Variants in TMEM178B observed in about 807,000 individuals in gnomAD.
TMEM178B encodes the protein transmembrane protein 178B.
TMEM178B carries 5 observed loss-of-function variants against 31.0 expected under a neutral mutation model. That is an observed-to-expected ratio of 0.16 (90% CI 0.08 to 0.34). The LOEUF is 0.34. Among genes scored for constraint, TMEM178B ranks in the 10% least tolerant of loss-of-function variants. The pLI is 1.00. For synonymous variants in TMEM178B, 164 were observed against 164.0 expected, an observed-to-expected ratio of 1.00 and a Z score of 0.00; for missense variants, 275 against 400.3, an observed-to-expected ratio of 0.69 and a Z score of 2.67.
intron 2 of TMEM178B, among the ~76,000 whole-genome samples, chr7:141,302,250 AGTCT>A (rs1389734056): frequency 2.6e-5 from 4 of 152,256 alleles, no homozygotes; most frequent in Non-Finnish European, 5.9e-5. Context: ...TCCATTATTC[AGTCT>A]TAAAAAGGAA....
At chr7:141,121,574 C>T (rs1795407956) in intron 1 of TMEM178B, among the ~76,000 whole-genome samples, 1 of 152,068 alleles carries the variant, frequency 6.6e-6, no homozygotes, top group Non-Finnish European at 1.5e-5. Context: ...CCTGTAGTAG[C>T]CTCTTTAAAA....
At chr7:141,392,702 C>G (rs541129795) in intron 2 of TMEM178B, among the ~76,000 whole-genome samples, 5 of 152,098 alleles carry the variant, frequency 3.3e-5, no homozygotes, top group South Asian at 4.2e-4. Flanking sequence ...ACATGGCAGG[C>G]CTTTGACTCT....
chr7:141,233,050 C>T (rs1390319810), intron 2 of TMEM178B, among the ~76,000 whole-genome samples: 2 of 152,118 alleles, frequency 1.3e-5, no homozygotes, highest in African/African-American at 2.4e-5. Context: ...TGCATTGATT[C>T]GAATGTGGTC....
chr7:141,079,634 A>G (rs143854695), intron 1 of TMEM178B, among the ~76,000 whole-genome samples: 47 of 152,246 alleles, frequency 3.1e-4, no homozygotes, highest in African/African-American at 1.1e-3. Flanking sequence ...TCATCAACTC[A>G]CAGAATTCTC....
chr7:141,134,631 A>G (rs1199875507), intron 1 of TMEM178B, among the ~76,000 whole-genome samples: 1 of 152,222 alleles, frequency 6.6e-6, no homozygotes, highest in East Asian at 1.9e-4. Flanking sequence ...AATATACAAA[A>G]CAACCAGAAA....
At chr7:141,418,151 G>A (rs779891780) in intron 2 of TMEM178B, among the ~76,000 whole-genome samples, 2 of 152,130 alleles carry the variant, frequency 1.3e-5, no homozygotes, top group Non-Finnish European at 2.9e-5. Context: ...ATATACTTAA[G>A]TCTTACATCC....
intron 1 of TMEM178B, among the ~76,000 whole-genome samples, chr7:141,211,712 A>G (rs1210245166): frequency 6.6e-6 from 1 of 152,218 alleles, no homozygotes; most frequent in Non-Finnish European, 1.5e-5. Flanking sequence ...GCAAACATAA[A>G]GGGTGGATTT....
Position 141,074,846 on chromosome 7 carries a change from T to C in TMEM178B, c.382+154T>C, listed in dbSNP as rs1390943569. Among the ~76,000 whole-genome samples the C allele has an allele frequency of 6.6e-6, 1 of 152,242 alleles. No homozygotes were observed. Among genetic ancestry groups the C allele is most frequent in the Non-Finnish European group, 1.5e-5 (1 of 68,040 alleles). On this transcript the variant is annotated intron_variant, in intron 1 of 3. Transcript: ENST00000565468. This position sits in a 1 kb window ranked among gnomAD's most constrained non-coding sequence, Gnocchi z 5.1. ...CCTGGCTGAGCCTCGGGGCCAGGAC[T>C]TGCCTCCCAATAGCTGTTAATGAAG...
chr7:141,429,984 C>T (rs1456095222), intron 2 of TMEM178B: 38 of 152,230 alleles, frequency 2.5e-4, no homozygotes, highest in Admixed American at 2.4e-3. Flanking sequence ...AGTCCTGCCC[C>T]ATGTCTTTTC....
At chr7:141,311,020 C>T (rs1798899194) in intron 2 of TMEM178B, among the ~76,000 whole-genome samples, 1 of 152,140 alleles carries the variant, frequency 6.6e-6, no homozygotes, top group South Asian at 2.1e-4. Context: ...AAGCTGAAAG[C>T]CATTATCCTC....
chr7:141,417,617 G>C (rs540406108), intron 2 of TMEM178B, among the ~76,000 whole-genome samples: 37 of 152,250 alleles, frequency 2.4e-4, no homozygotes, highest in Non-Finnish European at 4.4e-4. Flanking sequence ...GAAGAGGAAA[G>C]GTGCCTCTCA....
At chr7:141,090,076 C>A (rs1393103041) in intron 1 of TMEM178B, among the ~76,000 whole-genome samples, 1 of 152,166 alleles carries the variant, frequency 6.6e-6, no homozygotes, top group East Asian at 1.9e-4. Context: ...TTGCCTTTCC[C>A]AGACTCTTCC....
intron 1 of TMEM178B, among the ~76,000 whole-genome samples, chr7:141,197,527 C>T (rs969243850): frequency 5.3e-5 from 8 of 152,196 alleles, no homozygotes; most frequent in African/African-American, 1.9e-4. Flanking sequence ...TTAACTTAAA[C>T]ACGGAAATAA....
chr7:141,097,171 C>A (rs1794973776), intron 1 of TMEM178B, among the ~76,000 whole-genome samples: 1 of 151,344 alleles, frequency 6.6e-6, no homozygotes, highest in African/African-American at 2.4e-5. Context: ...ATTAGTTATA[C>A]ATGTATATAA....
chr7:141,352,963 T>C (rs937035021), intron 2 of TMEM178B, among the ~76,000 whole-genome samples: 12 of 152,224 alleles, frequency 7.9e-5, no homozygotes, highest in South Asian at 4.1e-4. Flanking sequence ...CAACTTCTCT[T>C]CTTGAGGCAT....
At chr7:141,405,546 A>T (rs1800869708) in intron 2 of TMEM178B, among the ~76,000 whole-genome samples, 1 of 152,208 alleles carries the variant, frequency 6.6e-6, no homozygotes, top group South Asian at 2.1e-4. Flanking sequence ...CTTATATAAA[A>T]GTTCTTTAAT....
chr7:141,324,005 A>G (rs1297126946), intron 2 of TMEM178B, among the ~76,000 whole-genome samples: 1 of 152,072 alleles, frequency 6.6e-6, no homozygotes, highest in Non-Finnish European at 1.5e-5. Flanking sequence ...GCAAGTGCAA[A>G]TGTCCTGAGG....
intron 1 of TMEM178B, among the ~76,000 whole-genome samples, chr7:141,163,512 A>AT (rs11352984): frequency 0.019 from 2,620 of 139,850 alleles, 64 homozygotes; most frequent in African/African-American, 0.051. Context: ...GCAAACAGCA[A>AT]TTTTTTTTTT....
At chr7:141,284,197 C>T (rs774347855) in intron 2 of TMEM178B, among the ~76,000 whole-genome samples, 9 of 152,170 alleles carry the variant, frequency 5.9e-5, no homozygotes, top group Non-Finnish European at 1.0e-4. Context: ...CAACATGCCA[C>T]GCGATTCGGG....
Sources: gnomAD v4.1 joint callset for allele counts (sites outside exome capture counted in the v4.1 genomes callset) on GRCh38, gnomAD v4.1.1 for gene constraint, Gnocchi (gnomAD v3.1) non-coding constraint, MANE v1.5 for transcripts, NCBI Gene and HGNC (gene_info 2026-07-23, HGNC 2026-07-21) for gene names.